Variants in GNB5 observed in about 807,000 individuals in gnomAD.
GNB5 encodes the protein guanine nucleotide-binding protein subunit beta-5.
A neutral mutation model predicts 55.3 loss-of-function variants in GNB5; 37 were observed. The ratio of observed to expected loss-of-function variants is 0.67; its 90% CI spans 0.51 to 0.88. GNB5 has a LOEUF of 0.88. Ranked by LOEUF, GNB5 falls within the 40% of genes least tolerant of loss-of-function variation. GNB5 has a pLI of 0.00. For synonymous variants in GNB5, 219 were observed against 198.5 expected (o/e 1.10, Z -0.87); for missense variants, 476 against 515.3 (o/e 0.92, Z 0.74).
intron 3 of GNB5, among the ~76,000 whole-genome samples, chr15:52,161,019 T>C (rs769878684): frequency 3.9e-5 from 6 of 152,174 alleles, no homozygotes; most frequent in Admixed American, 1.3e-4. Context: ...ATATCCACCA[T>C]TGATTGTGTG....
chr15:52,130,543 C>A (rs1340667118), intron 9 of GNB5, among the ~76,000 whole-genome samples: 1 of 152,238 alleles, frequency 6.6e-6, no homozygotes, highest in East Asian at 1.9e-4. Context: ...TCAACATCTT[C>A]TTTTATTTCT....
intron 7 of GNB5, chr15:52,139,531 A>C (rs1191232535): frequency 4.8e-6 from 1 of 206,366 alleles, no homozygotes; most frequent in Non-Finnish European, 1.0e-5. Context: ...CACTATGTAC[A>C]TGAATCATCT....
intron 2 of GNB5, among the ~76,000 whole-genome samples, chr15:52,183,336 G>GGC: frequency 7.3e-6 from 1 of 137,284 alleles, no homozygotes; most frequent in Non-Finnish European, 1.6e-5. Context: ...TAAATAATGG[G>GGC]GGGGGGGTAA....
Position 52,117,102 on chromosome 15 carries a change from A to ATATATATATATATTTTTTTTTTTTTTTT in GNB5, c.*5654_*5655insAAAAAAAAAAAAAAAATATATATATATA. 4.6e-5 allele frequency: 4 copies of ATATATATATATATTTTTTTTTTTTTTTT among 87,102 alleles called. No homozygotes were observed. The highest frequency in any genetic ancestry group is 2.4e-4 in the African/African-American group (4 of 16,420). 5.4% of individuals were successfully genotyped at this position (87,102 alleles called of 1,614,324 possible). On this transcript the variant is annotated 3_prime_UTR_variant, in exon 13 of 13. Coordinates refer to ENST00000261837, the MANE Select transcript of GNB5 (RefSeq NM_016194.4). Reference sequence around the variant, plus strand: ...CCACGCCCAGCTAATATATATATATATTTTTTTTTAGTACAGACAGGGTTT... The same window carrying ATATATATATATATTTTTTTTTTTTTTTT: ...CCACGCCCAGCTAATATATATATATATATATATATATATTTTTTTTTTTTTTTTTTTTTTTTTAGTACAGACAGGGTTT...
At chr15:52,145,639 C>T (rs2033957318) in intron 6 of GNB5, among the ~76,000 whole-genome samples, 1 of 151,924 alleles carries the variant, frequency 6.6e-6, no homozygotes. Flanking sequence ...AGCCAGACTC[C>T]ATCTCAAAAA....
At chr15:52,182,404 C>A (rs1451113989) in intron 2 of GNB5, among the ~76,000 whole-genome samples, 1 of 152,184 alleles carries the variant, frequency 6.6e-6, no homozygotes, top group African/African-American at 2.4e-5. Context: ...AGACCTGAGG[C>A]ACGTGGTACT....
chr15:52,137,477 G>A, intron 7 of GNB5: 1 of 1,016,144 alleles, frequency 9.8e-7, no homozygotes, highest in Non-Finnish European at 1.2e-6. Context: ...AGCCAAGAGA[G>A]CACTCTGGAA....
chr15:52,173,015 T>C (rs987490554), intron 3 of GNB5, among the ~76,000 whole-genome samples: 4 of 152,218 alleles, frequency 2.6e-5, no homozygotes, highest in Non-Finnish European at 2.9e-5. Flanking sequence ...GCCAATCTTT[T>C]TTTTTCATTT....
At chr15:52,178,985 G>C (rs1290706209) in intron 3 of GNB5, among the ~76,000 whole-genome samples, 1 of 152,212 alleles carries the variant, frequency 6.6e-6, no homozygotes, top group Non-Finnish European at 1.5e-5. Context: ...TGCTGAGGAG[G>C]AGCCCTCTGA....
In GNB5 at chr15:52,122,691, T is replaced by C; in HGVS notation, c.*66A>G. 1.6e-6 allele frequency: 2 copies of C among 1,263,736 alleles called. No individual in the cohort carries two copies. The highest frequency in any genetic ancestry group is 2.3e-6 in the Non-Finnish European group (2 of 860,738). The allele number at this position is 1,263,736 out of a possible 1,614,324, so 78.3% of individuals were successfully genotyped here. A position where few individuals can be genotyped will look rare whatever the true frequency, so the allele number is the denominator to read the frequency against. On this transcript the variant is annotated 3_prime_UTR_variant, in exon 13 of 13. Coordinates refer to ENST00000261837, the MANE Select transcript of GNB5 (RefSeq NM_016194.4). ...AATAAACTCTAAGCTCCTCTAGAAG[T>C]AATATCTATTTACATGTGAAGATTT...
At position 52,116,403 on chromosome 15, in the gene GNB5, T is replaced by C. The variant is rs1003469419; in HGVS notation, c.*6354A>G. 3.3e-5 allele frequency: 5 copies of C among 152,266 alleles called. No individual in the cohort carries two copies. Among genetic ancestry groups the C allele is most frequent in the African/African-American group, 1.2e-4 (5 of 41,476 alleles). 9.4% of individuals were successfully genotyped at this position (152,266 alleles called of 1,614,324 possible). On this transcript the variant is annotated 3_prime_UTR_variant, in exon 13 of 13. Coordinates refer to ENST00000261837, the MANE Select transcript of GNB5 (RefSeq NM_016194.4). ...CCATGGAATCACTCCTGATCCCATCTCCTTACTAGAGGGTCTGCATCTTTT... is the reference window on the plus strand; with the variant it reads ...CCATGGAATCACTCCTGATCCCATCCCCTTACTAGAGGGTCTGCATCTTTT...
At chr15:52,150,312 G>C (rs1206983926) in intron 4 of GNB5, among the ~76,000 whole-genome samples, 4 of 152,188 alleles carry the variant, frequency 2.6e-5, no homozygotes, top group African/African-American at 9.7e-5. Context: ...TTAGGCACCT[G>C]ACAGGTAAAT....
intron 3 of GNB5, among the ~76,000 whole-genome samples, chr15:52,177,874 A>C (rs180770362): frequency 1.6e-4 from 24 of 152,284 alleles, no homozygotes; most frequent in African/African-American, 5.8e-4. Context: ...TGACATATGC[A>C]GGTAGGGATA....
intron 10 of GNB5, among the ~76,000 whole-genome samples, chr15:52,127,657 G>C (rs1011488587): frequency 2.0e-5 from 3 of 151,940 alleles, no homozygotes; most frequent in African/African-American, 7.3e-5. Context: ...TTGATATTTT[G>C]AAGGCAACAA....
chr15:52,124,731 G>T (rs2033377042), intron 11 of GNB5, 92 bp from the exon 12 acceptor site: 1 of 1,112,950 alleles, frequency 9.0e-7, no homozygotes, highest in African/African-American at 1.5e-5. Context: ...AGTAAGCAGT[G>T]ATTCAGGCGC....
intron 2 of GNB5, among the ~76,000 whole-genome samples, chr15:52,182,462 C>T (rs2034785740): frequency 6.6e-6 from 1 of 152,182 alleles, no homozygotes; most frequent in South Asian, 2.1e-4. Flanking sequence ...GTAAAATAAA[C>T]CTCGAACAGC....
intron 7 of GNB5, chr15:52,139,884 AG>A: frequency 1.6e-6 from 2 of 1,286,804 alleles, no homozygotes; most frequent in Non-Finnish European, 2.0e-6. Context: ...GTCTCCACAG[AG>A]GGGCTTCAGA....
At chr15:52,178,584 G>A (rs2141238627) in intron 3 of GNB5, among the ~76,000 whole-genome samples, 1 of 152,132 alleles carries the variant, frequency 6.6e-6, no homozygotes, top group African/African-American at 2.4e-5. Context: ...ATCCACCTTT[G>A]CTCTTGTTAT....
rs1270026545 is a variant in GNB5, at chr15:52,119,067, G to GAGC, written c.*3689_*3690insGCT. The GAGC allele has an allele frequency of 2.2e-5, 3 of 133,972 alleles. 1 individual carries two copies. The highest frequency in any genetic ancestry group is 7.4e-5 in the Admixed American group (1 of 13,482). 8.3% of individuals were successfully genotyped at this position (133,972 alleles called of 1,614,324 possible). A position where few individuals can be genotyped will look rare whatever the true frequency, so the allele number is the denominator to read the frequency against. On this transcript the variant is annotated 3_prime_UTR_variant, in exon 13 of 13. Transcript: ENST00000261837. ...GGGGAGGAGATGGGGAGAAAAGGAA[G>GAGC]TGCTGGGGGAAGGGGAATGGGAAGG...
Sources: gnomAD v4.1 joint callset for allele counts (sites outside exome capture counted in the v4.1 genomes callset) on GRCh38, gnomAD v4.1.1 for gene constraint, MANE v1.5 for transcripts, NCBI Gene and HGNC (gene_info 2026-07-23, HGNC 2026-07-21) for gene names.